RBFOX1: variants seen among roughly 807,000 people sequenced by gnomAD.
RBFOX1 encodes RNA binding protein fox-1 homolog 1.
In RBFOX1, 8 loss-of-function variants were observed where a neutral mutation model predicts 57.7. The ratio of observed to expected loss-of-function variants is 0.14; its 90% CI spans 0.08 to 0.25. The LOEUF (loss-of-function observed/expected upper bound fraction) is 0.25. Ranked by LOEUF, RBFOX1 falls within the 10% of genes least tolerant of loss-of-function variation. The probability of loss-of-function intolerance (pLI) is 1.00; values close to 1 mark genes in which losing one functional copy is unlikely to be tolerated. For synonymous variants in RBFOX1, 326 were observed against 222.4 expected, an observed-to-expected ratio of 1.47 and a Z score of -4.15; for missense variants, 611 against 548.5, an observed-to-expected ratio of 1.11 and a Z score of -1.14.
intron 5 of RBFOX1, among the ~76,000 whole-genome samples, chr16:7,527,101 C>T (rs570522410): frequency 2.6e-5 from 4 of 152,288 alleles, no homozygotes; most frequent in African/African-American, 7.2e-5. Flanking sequence ...TAACATGTTT[C>T]GGTGGCTTCA....
At chr16:6,579,522 A>G (rs2097501997) in intron 2 of RBFOX1, among the ~76,000 whole-genome samples, 1 of 152,116 alleles carries the variant, frequency 6.6e-6, no homozygotes, top group African/African-American at 2.4e-5. Context: ...AGTTCTCACA[A>G]AACCTAATGG....
intron 4 of RBFOX1, among the ~76,000 whole-genome samples, chr16:7,209,814 C>G (rs2090758944): frequency 6.6e-6 from 1 of 152,076 alleles, no homozygotes; most frequent in African/African-American, 2.4e-5. Flanking sequence ...ATGGATGATG[C>G]AATAGATGAA....
intron 4 of RBFOX1, among the ~76,000 whole-genome samples, chr16:7,315,747 CTTTACAT>C (rs1250489138): frequency 6.6e-6 from 1 of 152,076 alleles, no homozygotes; most frequent in Non-Finnish European, 1.5e-5. Flanking sequence ...AGCAAATGCA[CTTTACAT>C]TTATATTGTA....
chr16:6,517,314 T>G (rs1372822554), intron 2 of RBFOX1, among the ~76,000 whole-genome samples: 1 of 152,182 alleles, frequency 6.6e-6, no homozygotes, highest in African/African-American at 2.4e-5. Context: ...TCCCTTCACC[T>G]TTAGTATTCA....
Position 7,475,814 on chromosome 16 carries a change from T to C in RBFOX1, c.28-42333T>C, listed in dbSNP as rs963566281. On this transcript the variant is annotated intron_variant, in intron 4 of 15. Transcript: ENST00000550418. ...TAACAGAGCACCTGAAAGTTATTAATTTGAATATATGTTGGTAACAGATTA... is the reference window on the plus strand; with the variant it reads ...TAACAGAGCACCTGAAAGTTATTAACTTGAATATATGTTGGTAACAGATTA... Among the ~76,000 whole-genome samples the C allele has an allele frequency of 2.6e-5, 4 of 152,160 alleles. 1 individual carries two copies. In the South Asian group the frequency reaches 8.3e-4, roughly 31 times the overall value.
At chr16:5,466,718 G>A (rs886595729) in intron 1 of RBFOX1, among the ~76,000 whole-genome samples, 3 of 152,152 alleles carry the variant, frequency 2.0e-5, no homozygotes, top group African/African-American at 4.8e-5. Flanking sequence ...CCCATCACTC[G>A]GTTTGATGGT....
intron 4 of RBFOX1, among the ~76,000 whole-genome samples, chr16:7,200,346 C>G (rs548260647): frequency 2.0e-5 from 3 of 152,128 alleles, no homozygotes; most frequent in African/African-American, 4.8e-5. Flanking sequence ...TATGGAAGAG[C>G]CTGAATGTGA....
rs140339049 is a variant in RBFOX1 at position 5,535,459 on chromosome 16, C to A, written c.259-63443C>A. Among the ~76,000 whole-genome samples, 62 of 152,240 alleles carry A rather than the reference C, an allele frequency of 4.1e-4. 1 individual carries two copies. In the East Asian group the frequency reaches 0.011, roughly 27 times the overall value. On this transcript the variant is annotated intron_variant, in intron 2 of 2. Coordinates refer to the RBFOX1 transcript ENST00000585867. The stretch of plus-strand genomic sequence containing the variant: ...AGTGACAGGCATTCTGATTCCAAAC[C>A]CAAGAAAACGTGAGGTGAAAAGCAG...
chr16:7,130,908 A>T (rs2070156456), intron 4 of RBFOX1, among the ~76,000 whole-genome samples: 1 of 152,190 alleles, frequency 6.6e-6, no homozygotes, highest in Non-Finnish European at 1.5e-5. Flanking sequence ...CACAGCAATG[A>T]CTGCCTTCAG....
intron 4 of RBFOX1, among the ~76,000 whole-genome samples, chr16:7,515,890 G>A (rs950071110): frequency 5.9e-5 from 9 of 152,060 alleles, no homozygotes; most frequent in African/African-American, 1.9e-4. Context: ...TGTGGCCCAG[G>A]CTGGAGTGCA....
chr16:5,789,120 A>G (rs1269397464), intron 3 of RBFOX1, among the ~76,000 whole-genome samples: 1 of 152,202 alleles, frequency 6.6e-6, no homozygotes, highest in Admixed American at 6.5e-5. Context: ...AGCACCAAGT[A>G]AGAAGGCCTG....
chr16:5,789,199 C>T (rs1032773907), intron 3 of RBFOX1, among the ~76,000 whole-genome samples: 1 of 152,182 alleles, frequency 6.6e-6, no homozygotes, highest in Non-Finnish European at 1.5e-5. Context: ...AAGCATTTGT[C>T]TTAGCTCTGC....
chr16:6,682,221 G>A (rs990666356), intron 3 of RBFOX1, among the ~76,000 whole-genome samples: 8 of 152,106 alleles, frequency 5.3e-5, no homozygotes, highest in African/African-American at 9.7e-5. Flanking sequence ...AACGAACAAC[G>A]CAACAGAGTC....
At chr16:7,338,746 G>A (rs564585687) in intron 4 of RBFOX1, among the ~76,000 whole-genome samples, 5 of 152,318 alleles carry the variant, frequency 3.3e-5, no homozygotes, top group African/African-American at 4.8e-5. Context: ...TGGACAGAGA[G>A]TAACCATCCT....
At chr16:5,459,609 C>T (rs1567543417) in intron 1 of RBFOX1, among the ~76,000 whole-genome samples, 1 of 152,016 alleles carries the variant, frequency 6.6e-6, no homozygotes, top group Non-Finnish European at 1.5e-5. Context: ...TTTTCCTTCC[C>T]CCACAAATCT....
At position 5,642,192 on chromosome 16, in the gene RBFOX1, C is replaced by T. The variant is rs76221121; in HGVS notation, c.318+43231C>T. 7.3e-3 allele frequency among the ~76,000 whole-genome samples: 1,117 copies of T among 152,226 alleles called. 10 individuals are homozygous for T. The highest frequency in any genetic ancestry group is 0.025 in the African/African-American group (1,057 of 41,524). On this transcript the variant is annotated intron_variant, in intron 3 of 19. Coordinates refer to the RBFOX1 transcript ENST00000641259. ...AGTCTGTCGGGGAGCAGTTTTGATC[C>T]CTTCACTGCCCAAGCAGGCAAAGGA...
chr16:5,407,660 T>C (rs2066903012), intron 1 of RBFOX1, among the ~76,000 whole-genome samples: 1 of 152,204 alleles, frequency 6.6e-6, no homozygotes, highest in Non-Finnish European at 1.5e-5. Flanking sequence ...GCAATTATCC[T>C]GCCTCAGCCT....
intron 4 of RBFOX1, among the ~76,000 whole-genome samples, chr16:5,956,674 A>ATT (rs1479571823): frequency 8.6e-4 from 77 of 89,186 alleles, no homozygotes; most frequent in East Asian, 1.3e-3. Context: ...ATATATATAT[A>ATT]TATATTTTTT....
intron 2 of RBFOX1, among the ~76,000 whole-genome samples, chr16:6,415,460 T>C (rs2152978877): frequency 6.6e-6 from 1 of 151,500 alleles, no homozygotes; most frequent in East Asian, 2.0e-4. Context: ...GGGAGAGATT[T>C]GGGAGGTCGA....
Sources: gnomAD v4.1 joint callset for allele counts (sites outside exome capture counted in the v4.1 genomes callset) on GRCh38, gnomAD v4.1.1 for gene constraint, MANE v1.5 for transcripts, NCBI Gene and HGNC (gene_info 2026-07-23, HGNC 2026-07-21) for gene names.